Variants in DRC4 observed in about 807,000 individuals in gnomAD.
DRC4 encodes GAS-11.
the DRC4 span, chr16:90,042,416 C>G: frequency 3.9e-6 from 6 of 1,535,980 alleles, no homozygotes; most frequent in Non-Finnish European, 5.4e-6. Flanking sequence ...AGGCCGCTCC[C>G]GTTGCCTCGG....
At chr16:90,043,481 C>T in the DRC4 span, 4 of 909,600 alleles carry the variant, frequency 4.4e-6, no homozygotes, top group South Asian at 1.7e-5. Flanking sequence ...TTCTTGCCAT[C>T]CTCTTTCCTG....
At chr16:90,028,423 C>T in the DRC4 span, among the ~76,000 whole-genome samples, 1 of 151,826 alleles carries the variant, frequency 6.6e-6, no homozygotes, top group Admixed American at 6.6e-5. Flanking sequence ...CTCCTGACCT[C>T]GTGATCCACT....
chr16:90,037,181 C>T, the DRC4 span: 97 of 1,531,126 alleles, frequency 6.3e-5, no homozygotes, highest in Non-Finnish European at 7.7e-5. Flanking sequence ...GGCCACAGCC[C>T]CTTTGGTTCT....
chr16:90,029,286 T>A, the DRC4 span: 5 of 1,365,596 alleles, frequency 3.7e-6, no homozygotes, highest in South Asian at 1.1e-5. Context: ...TCCAGGCAGG[T>A]GGGGAGGGAT....
At chr16:90,042,505 C>T in the DRC4 span, 1 of 1,613,884 alleles carries the variant, frequency 6.2e-7, no homozygotes, top group Non-Finnish European at 8.5e-7. Context: ...CCATCAAGGA[C>T]CTGCAGTATG....
the DRC4 span, among the ~76,000 whole-genome samples, chr16:90,037,597 A>C: frequency 2.7e-3 from 404 of 152,244 alleles, 3 homozygotes; most frequent in African/African-American, 9.4e-3. Context: ...CCTCATCTTC[A>C]CCACGTGCTA....
At chr16:90,019,961 G>T in the DRC4 span, 1 of 697,762 alleles carries the variant, frequency 1.4e-6, no homozygotes, top group South Asian at 1.5e-5. The surrounding 1 kb of genome is among the most constrained non-coding windows in gnomAD (Gnocchi z 6.1). Flanking sequence ...GGGATGGGAG[G>T]TAAGGAGAGG....
the DRC4 span, chr16:90,031,162 C>G: frequency 5.9e-6 from 9 of 1,515,522 alleles, no homozygotes; most frequent in African/African-American, 9.6e-5. Flanking sequence ...TATATTTTAA[C>G]TTTTTACATT....
the DRC4 span, chr16:90,029,321 C>G: frequency 7.3e-7 from 1 of 1,363,822 alleles, no homozygotes; most frequent in Non-Finnish European, 9.8e-7. Flanking sequence ...GACTCCTGCC[C>G]CGCAGCAGAG....
At chr16:90,042,650 G>T in the DRC4 span, 11 of 832,624 alleles carry the variant, frequency 1.3e-5, no homozygotes, top group East Asian at 2.9e-4. Context: ...GTTTGACAAG[G>T]CAGCTGTCAC....
chr16:90,036,620 T>C, the DRC4 span: 1 of 1,541,626 alleles, frequency 6.5e-7, no homozygotes, highest in African/African-American at 1.4e-5. Context: ...GGAGGCACAC[T>C]CTGCCTGTCC....
the DRC4 span, chr16:90,036,431 G>A: frequency 8.1e-6 from 13 of 1,612,708 alleles, no homozygotes; most frequent in African/African-American, 1.3e-5. Flanking sequence ...GGACGAACTC[G>A]ACTTGCGGAG....
the DRC4 span, chr16:90,036,507 A>T: frequency 6.2e-7 from 1 of 1,613,836 alleles, no homozygotes; most frequent in Non-Finnish European, 8.5e-7. Flanking sequence ...ATGCAGCGCC[A>T]CGAGGAGGCC....
chr16:90,036,512 G>A, the DRC4 span: 1 of 1,613,470 alleles, frequency 6.2e-7, no homozygotes, highest in South Asian at 1.1e-5. Context: ...GCGCCACGAG[G>A]AGGCCTTCAC....
At chr16:90,043,184 C>G in the DRC4 span, 2 of 1,603,810 alleles carry the variant, frequency 1.2e-6, no homozygotes, top group Non-Finnish European at 1.7e-6. Context: ...TGACACTGCC[C>G]TGTCTCCACA....
At chr16:90,028,361 T>G in the DRC4 span, among the ~76,000 whole-genome samples, 1 of 150,920 alleles carries the variant, frequency 6.6e-6, no homozygotes, top group African/African-American at 2.4e-5. Flanking sequence ...ATTTTTTTTT[T>G]GTATTTTTAG....
the DRC4 span, chr16:90,042,460 C>T: frequency 2.5e-6 from 4 of 1,613,560 alleles, no homozygotes; most frequent in South Asian, 3.3e-5. Context: ...CATCACCTCT[C>T]TCTCCTCAGG....
chr16:90,034,480 G>A, the DRC4 span, among the ~76,000 whole-genome samples: 1 of 151,962 alleles, frequency 6.6e-6, no homozygotes, highest in Non-Finnish European at 1.5e-5. Context: ...AAATTAGCCG[G>A]GCGTGGTGGC....
chr16:90,043,661 C>T, the DRC4 span: 1 of 551,424 alleles, frequency 1.8e-6, no homozygotes. Context: ...GGGGTTGGGG[C>T]AGTGCCGCGC....
Sources: allele counts gnomAD v4.1 joint callset (sites outside exome capture counted in the v4.1 genomes callset), GRCh38; gene constraint gnomAD v4.1.1; non-coding constraint Gnocchi (gnomAD v3.1); transcripts MANE v1.5; gene names NCBI Gene and HGNC (gene_info 2026-07-23, HGNC 2026-07-21).